The following CYRIB variants were observed in gnomAD, a reference collection of about 807,000 sequenced individuals.
CYRIB encodes the protein CYFIP related Rac1 interactor B, also known as CYFIP-related Rac1 interactor B.
In CYRIB, 8 loss-of-function variants were observed where a neutral mutation model predicts 44.2. The observed-to-expected ratio is 0.18, with a 90% CI of 0.11 to 0.33. CYRIB has a LOEUF of 0.33. Among genes scored for constraint, CYRIB ranks in the 10% least tolerant of loss-of-function variants. CYRIB has a pLI of 1.00. For synonymous variants in CYRIB, 131 were observed against 127.2 expected, an observed-to-expected ratio of 1.03 and a Z score of -0.20; for missense variants, 185 against 382.8, an observed-to-expected ratio of 0.48 and a Z score of 4.31.
intron 1 of CYRIB, among the ~76,000 whole-genome samples, chr8:129,931,247 A>C (rs2091203797): frequency 6.6e-6 from 1 of 152,198 alleles, no homozygotes. Flanking sequence ...TATAAAGGGA[A>C]AGAAGCCTCC....
intron 4 of CYRIB, among the ~76,000 whole-genome samples, chr8:129,867,182 G>T (rs1405297203): frequency 6.6e-6 from 1 of 151,900 alleles, no homozygotes; most frequent in African/African-American, 2.4e-5. Flanking sequence ...GGAGTGCAAT[G>T]GTGCAATCTC....
At chr8:129,899,674 C>T (rs1005374635) in intron 2 of CYRIB, among the ~76,000 whole-genome samples, 2 of 152,118 alleles carry the variant, frequency 1.3e-5, no homozygotes, top group African/African-American at 4.8e-5. Flanking sequence ...ACATAGTAAA[C>T]TATGCCATAC....
intron 2 of CYRIB, among the ~76,000 whole-genome samples, chr8:129,899,810 C>G (rs561063482): frequency 6.6e-6 from 1 of 152,208 alleles, no homozygotes; most frequent in Non-Finnish European, 1.5e-5. Flanking sequence ...GGAGGCTGAA[C>G]AGGCAGTTGC....
intron 1 of CYRIB, among the ~76,000 whole-genome samples, chr8:129,905,596 G>T (rs1470762511): frequency 6.6e-6 from 1 of 152,150 alleles, no homozygotes; most frequent in East Asian, 1.9e-4. Context: ...AATATTACTA[G>T]AAGTGAAATG....
At chr8:129,994,615 C>T (rs1352189256) in intron 1 of CYRIB, among the ~76,000 whole-genome samples, 1 of 152,224 alleles carries the variant, frequency 6.6e-6, no homozygotes, top group East Asian at 1.9e-4. Flanking sequence ...CTCCCCGTTT[C>T]ACCATGTCAC....
chr8:129,886,646 G>A (rs2062873792), intron 2 of CYRIB, among the ~76,000 whole-genome samples: 1 of 151,960 alleles, frequency 6.6e-6, no homozygotes, highest in Admixed American at 6.6e-5. Context: ...CACCAAAACT[G>A]CACTGGGAAG....
chr8:129,984,216 A>C (rs984946170), intron 1 of CYRIB, among the ~76,000 whole-genome samples: 16 of 152,220 alleles, frequency 1.1e-4, no homozygotes, highest in Non-Finnish European at 2.1e-4. Context: ...GACAACAGTC[A>C]GAGGGCTGCA....
intron 1 of CYRIB, among the ~76,000 whole-genome samples, chr8:129,926,809 T>C (rs2088040362): frequency 6.6e-6 from 1 of 152,214 alleles, no homozygotes; most frequent in Non-Finnish European, 1.5e-5. Context: ...CAAATAAAAT[T>C]CTGTATCACT....
intron 1 of CYRIB, among the ~76,000 whole-genome samples, chr8:129,997,490 T>G (rs753688662): frequency 6.6e-6 from 1 of 152,222 alleles, no homozygotes; most frequent in Non-Finnish European, 1.5e-5. Flanking sequence ...GAAAATGCTG[T>G]GCGTTTTCAG....
chr8:129,893,502 T>G (rs962181488), intron 2 of CYRIB, among the ~76,000 whole-genome samples: 1 of 152,198 alleles, frequency 6.6e-6, no homozygotes, highest in Non-Finnish European at 1.5e-5. Flanking sequence ...TGTTTGCTAT[T>G]TATTTAAATT....
At chr8:129,955,668 T>C (rs1210341731) in intron 2 of CYRIB, among the ~76,000 whole-genome samples, 1 of 152,216 alleles carries the variant, frequency 6.6e-6, no homozygotes, top group Non-Finnish European at 1.5e-5. Flanking sequence ...GTGTATTCCA[T>C]TGAGAAAAGT....
At chr8:129,860,665 G>A (rs898722195) in intron 5 of CYRIB, among the ~76,000 whole-genome samples, 2 of 151,874 alleles carry the variant, frequency 1.3e-5, no homozygotes, top group African/African-American at 4.8e-5. Context: ...TTTAAAAAAT[G>A]GAACTTCAAC....
intron 2 of CYRIB, among the ~76,000 whole-genome samples, chr8:129,893,738 T>C (rs1330504661): frequency 6.6e-6 from 1 of 152,194 alleles, no homozygotes; most frequent in Non-Finnish European, 1.5e-5. Context: ...TCTCGCTATG[T>C]TGTCCAGGCT....
chr8:129,852,300 T>A (rs1241018449), intron 7 of CYRIB, 22 bp from the exon 10 acceptor site: 1 of 1,403,606 alleles, frequency 7.1e-7, no homozygotes, highest in Non-Finnish European at 9.6e-7. Flanking sequence ...GTAAAAGCAC[T>A]GGATGTTAGT....
At chr8:129,849,132 T>TA in intron 10 of CYRIB, 111 bp downstream of exon 12, 1 of 1,018,674 alleles carries the variant, frequency 9.8e-7, no homozygotes, top group Non-Finnish European at 1.4e-6. Flanking sequence ...TCACAAACTA[T>TA]AAATCTGAGT....
chr8:129,983,132 G>A (rs935784989), intron 1 of CYRIB, among the ~76,000 whole-genome samples: 10 of 151,946 alleles, frequency 6.6e-5, no homozygotes, highest in Non-Finnish European at 1.5e-4. Context: ...AACACTGCAA[G>A]ACGCTCTCTC....
intron 3 of CYRIB, among the ~76,000 whole-genome samples, chr8:129,879,011 G>C (rs759758021): frequency 1.3e-5 from 2 of 151,950 alleles, no homozygotes; most frequent in Non-Finnish European, 2.9e-5. Flanking sequence ...ACTGAAACCT[G>C]GTCGATTTTT....
At chr8:129,942,980 T>C (rs2130929213), upstream of CYRIB, among the ~76,000 whole-genome samples, 1 of 152,338 alleles carries the variant, frequency 6.6e-6, no homozygotes, top group African/African-American at 2.4e-5. Flanking sequence ...TGCTGTTTTC[T>C]TGGAAATTTT....
chr8:129,991,087 G>A (rs1318627536), intron 1 of CYRIB, among the ~76,000 whole-genome samples: 6 of 141,090 alleles, frequency 4.3e-5, no homozygotes, highest in African/African-American at 8.1e-5. Flanking sequence ...AGCCGAGATC[G>A]CACCACTGCA....
Sources: allele counts gnomAD v4.1 joint callset (sites outside exome capture counted in the v4.1 genomes callset), GRCh38; gene constraint gnomAD v4.1.1; transcripts MANE v1.5; gene names NCBI Gene and HGNC (gene_info 2026-07-23, HGNC 2026-07-21).